BAIAP2: variants seen among roughly 807,000 people sequenced by gnomAD.
The protein encoded by BAIAP2 is BAR/IMD domain-containing adapter protein 2.
BAIAP2 carries 18 observed loss-of-function variants against 63.0 expected under a neutral mutation model. The observed-to-expected ratio is 0.29, with a 90% CI of 0.20 to 0.42. The LOEUF is 0.42. BAIAP2 is among the 10% of genes least tolerant of loss of function. The pLI, the probability that BAIAP2 is intolerant of heterozygous loss-of-function variation, is 1.00. For synonymous variants in BAIAP2, 386 were observed against 307.6 expected, an observed-to-expected ratio of 1.25 and a Z score of -2.67; for missense variants, 610 against 734.3, an observed-to-expected ratio of 0.83 and a Z score of 1.96.
At chr17:81,109,194 C>A (rs1051124063) in intron 13 of BAIAP2, 13 of 1,406,902 alleles carry the variant, frequency 9.2e-6, no homozygotes, top group African/African-American at 1.5e-5. Context: ...CGCCCCCCCT[C>A]CCCTGTGTTT....
chr17:81,047,453 G>A (rs953241668), intron 1 of BAIAP2, among the ~76,000 whole-genome samples: 1 of 152,196 alleles, frequency 6.6e-6, no homozygotes, highest in Non-Finnish European at 1.5e-5. Flanking sequence ...AGAAAACACG[G>A]CTCAGCCTGG....
chr17:81,053,443 C>A, intron 1 of BAIAP2: 1 of 573,914 alleles, frequency 1.7e-6, no homozygotes, highest in Non-Finnish European at 3.1e-6. Context: ...TCTTCTTACC[C>A]CCTTTGCACA....
Position 81,086,193 on chromosome 17 carries a change from A to G in BAIAP2, c.352-250A>G, listed in dbSNP as rs796657232. On this transcript the variant is annotated intron_variant, in intron 5 of 13. Transcript: ENST00000428708. ...GCCTCGGCCACTTTTTCCAAGTGTG[A>G]TTTTCATCTTGGGCGACCAGAGAGC... Among the ~76,000 whole-genome samples, 14 of 108,236 alleles carry G rather than the reference A, an allele frequency of 1.3e-4. 1 individual carries two copies. The highest frequency in any genetic ancestry group is 5.1e-4 in the African/African-American group (14 of 27,682). 71.0% of individuals were successfully genotyped at this position (108,236 alleles called of 152,430 possible).
intron 3 of BAIAP2, among the ~76,000 whole-genome samples, chr17:81,067,023 C>T (rs768413259): frequency 9.9e-5 from 15 of 152,260 alleles, no homozygotes; most frequent in South Asian, 2.1e-4. Context: ...GGGCCTGACA[C>T]GGAGGTCCCT....
At chr17:81,058,401 G>C (rs1005546952) in intron 3 of BAIAP2, among the ~76,000 whole-genome samples, 1 of 152,250 alleles carries the variant, frequency 6.6e-6, no homozygotes, top group Non-Finnish European at 1.5e-5. Flanking sequence ...GGCAGGTTAT[G>C]TTATTGATGC....
chr17:81,109,013 G>C, intron 13 of BAIAP2: 1 of 1,544,702 alleles, frequency 6.5e-7, no homozygotes, highest in Non-Finnish European at 8.7e-7. Context: ...GCTGACCCCG[G>C]GCAGCCGCTG....
At chr17:81,111,997 G>A (rs1230451444) in intron 13 of BAIAP2, among the ~76,000 whole-genome samples, 1 of 152,238 alleles carries the variant, frequency 6.6e-6, no homozygotes, top group African/African-American at 2.4e-5. Flanking sequence ...CTGCCTTTCT[G>A]TTGTTGATTT....
rs1302712453 is a variant in BAIAP2, at chr17:81,046,923, C to A, written c.55-6745C>A. Among the ~76,000 whole-genome samples the A allele has an allele frequency of 6.6e-6, 1 of 152,240 alleles. No individual in the cohort carries two copies. The highest frequency in any genetic ancestry group is 1.5e-5 in the Non-Finnish European group (1 of 68,034). On this transcript the variant is annotated intron_variant, in intron 1 of 13. Transcript: ENST00000428708. This position sits in a 1 kb window ranked among gnomAD's most constrained non-coding sequence, Gnocchi z 4.5. ...GGTGGCACAGCGGGCTGGGGGAAGC[C>A]CCTCTGGCACTGCCGGCCCCGCAGC...
chr17:81,086,381 A>G lies in BAIAP2; in HGVS notation c.352-62A>G. 4.4e-6 allele frequency: 7 copies of G among 1,582,002 alleles called. No individual in the cohort carries two copies. The South Asian group carries it at 6.8e-5, about 15-fold the overall frequency. ...GCTCATGGGCCTCGGTTTTGCTGCC[A>G]GTGGTCCGCGCTGCGTTGGGTTCAT... On this transcript the variant is annotated intron_variant, in intron 5 of 13. Coordinates refer to ENST00000428708, the MANE Select transcript of BAIAP2 (RefSeq NM_001144888.2).
Position 81,116,061 on chromosome 17 carries a change from C to T in BAIAP2, c.*222C>T, listed in dbSNP as rs2060512517. 6.1e-6 allele frequency: 9 copies of T among 1,469,056 alleles called. No individual in the cohort carries two copies. The highest frequency in any genetic ancestry group is 8.1e-6 in the Non-Finnish European group (9 of 1,113,782). The allele number at this position is 1,469,056 out of a possible 1,614,324, so 91.0% of individuals were successfully genotyped here. On this transcript the variant is annotated 3_prime_UTR_variant, in exon 14 of 14. Transcript: ENST00000428708. Reference sequence around the variant, plus strand: ...AGGGCGAGACCCAGTGGCTGGGCTGCCCAGGGCTGAGGGGCCGCCTCTTGA... The same window carrying T: ...AGGGCGAGACCCAGTGGCTGGGCTGTCCAGGGCTGAGGGGCCGCCTCTTGA...
In BAIAP2 at chr17:81,104,011, C is replaced by A; in HGVS notation, c.969C>A (p.Ser323=). 1 of 1,613,238 alleles carries A rather than the reference C, an allele frequency of 6.2e-7. No homozygotes were observed. Among genetic ancestry groups the A allele is most frequent in the Non-Finnish European group, 8.5e-7 (1 of 1,180,028 alleles). Residue 323 remains serine (S), a synonymous_variant, in exon 9 of 14, where the codon TCC becomes TCA. Coordinates refer to ENST00000428708, the MANE Select transcript of BAIAP2 (RefSeq NM_001144888.2). ...WADRKAAQPK[S]LSPPQSQSKL... ...ACCGCAAGGCTGCCCAGCCCAAATCCCTGTCTCCTCCGCAGTCTCAGAGCA... is the reference window on the plus strand; with the variant it reads ...ACCGCAAGGCTGCCCAGCCCAAATCACTGTCTCCTCCGCAGTCTCAGAGCA...
At position 81,103,720 on chromosome 17, in the gene BAIAP2, G is replaced by A; in HGVS notation, c.861G>A (p.Val287=). 1 of 1,594,856 alleles carries A rather than the reference G, an allele frequency of 6.3e-7. No homozygotes were observed. The highest frequency in any genetic ancestry group is 8.5e-7 in the Non-Finnish European group (1 of 1,173,198). ...TGCCCCCCGAGCTGGCACCGTTCGT[G>A]GGGGTGAGTCTGTGGCCTCTGGAAA... ...LPVPPELAPF[V]GRMSAQESTP... Residue 287 remains valine (V), a synonymous_variant, in exon 8 of 14, where the codon GTG becomes GTA. Transcript: ENST00000428708.
At chr17:81,067,006 C>T (rs1439072880) in intron 3 of BAIAP2, among the ~76,000 whole-genome samples, 1 of 152,264 alleles carries the variant, frequency 6.6e-6, no homozygotes, top group Non-Finnish European at 1.5e-5. Flanking sequence ...ACCTTACATC[C>T]CCGAGGGGGC....
At chr17:81,074,158 G>A (rs1398101695) in intron 3 of BAIAP2, among the ~76,000 whole-genome samples, 3 of 152,236 alleles carry the variant, frequency 2.0e-5, no homozygotes, top group African/African-American at 7.2e-5. Flanking sequence ...CAATGGAGGC[G>A]TGATGAGGCA....
intron 13 of BAIAP2, chr17:81,109,902 C>A: frequency 1.0e-6 from 1 of 985,468 alleles, no homozygotes; most frequent in East Asian, 1.1e-4. Flanking sequence ...GGGCCGGGCC[C>A]GGCTGGGGGA....
intron 11 of BAIAP2, 112 bp from the exon 12 acceptor site, chr17:81,106,633 C>G: frequency 4.6e-6 from 6 of 1,299,874 alleles, no homozygotes; most frequent in Non-Finnish European, 6.5e-6. Context: ...AGAGCAGCCT[C>G]CCCGCATGTG....
chr17:81,047,998 C>T (rs1162454273), intron 1 of BAIAP2, among the ~76,000 whole-genome samples: 1 of 152,250 alleles, frequency 6.6e-6, no homozygotes. Flanking sequence ...GGGACACTCT[C>T]TGTCAGCAGA....
At chr17:81,064,302 G>A (rs1312912808) in intron 3 of BAIAP2, among the ~76,000 whole-genome samples, 5 of 152,200 alleles carry the variant, frequency 3.3e-5, no homozygotes, top group South Asian at 2.1e-4. Flanking sequence ...AGGTGGCCTC[G>A]GGCTATGTAG....
intron 2 of BAIAP2, among the ~76,000 whole-genome samples, chr17:81,055,574 G>GTTTTTTGTTTTTTTTTTTTTTTT (rs370775327): frequency 8.1e-6 from 1 of 123,406 alleles, no homozygotes; most frequent in Non-Finnish European, 1.7e-5. Context: ...AGGGTGTTTT[G>GTTTTTTGTTTTTTTTTTTTTTTT]TTTTTTTTTG....
Sources: gnomAD v4.1 joint callset for allele counts (sites outside exome capture counted in the v4.1 genomes callset) on GRCh38, gnomAD v4.1.1 for gene constraint, Gnocchi (gnomAD v3.1) non-coding constraint, MANE v1.5 for transcripts, NCBI Gene and HGNC (gene_info 2026-07-23, HGNC 2026-07-21) for gene names.